HPGDS: variants seen among roughly 807,000 people sequenced by gnomAD.
HPGDS encodes GST class-sigma.
A neutral mutation model predicts 23.1 loss-of-function variants in HPGDS; 26 were observed. That is an observed-to-expected ratio of 1.13 (90% CI 0.83 to 1.56). The LOEUF (loss-of-function observed/expected upper bound fraction) is 1.56. Among genes scored for constraint, HPGDS ranks in the 40% most tolerant of loss-of-function variants. The pLI, the probability that HPGDS is intolerant of heterozygous loss-of-function variation, is 0.00. For synonymous variants in HPGDS, 95 were observed against 77.9 expected (o/e 1.22, Z -1.16); for missense variants, 268 against 236.4 (o/e 1.13, Z -0.88).
intron 3 of HPGDS, among the ~76,000 whole-genome samples, chr4:94,313,648 G>A (rs1157537257): frequency 6.6e-6 from 1 of 152,118 alleles, no homozygotes; most frequent in Non-Finnish European, 1.5e-5. Flanking sequence ...GTATCTTTGT[G>A]GCGTTCTCTG....
intron 2 of HPGDS, among the ~76,000 whole-genome samples, chr4:94,329,254 G>A (rs773705693): frequency 1.3e-5 from 2 of 152,074 alleles, no homozygotes; most frequent in Non-Finnish European, 1.5e-5. Context: ...ATAAATGAAG[G>A]GATGAAGTTA....
chr4:94,310,785 A>T (rs1756251623), intron 3 of HPGDS, among the ~76,000 whole-genome samples: 1 of 152,174 alleles, frequency 6.6e-6, no homozygotes, highest in South Asian at 2.1e-4. Context: ...ATGTTCTTCC[A>T]TTTGTTTGTA....
chr4:94,341,867 CAT>C lies in HPGDS; in HGVS notation c.-10+926_-10+927del, dbSNP rs1002077144. Among the ~76,000 whole-genome samples the C allele has an allele frequency of 1.3e-4, 20 of 152,178 alleles. 1 individual carries two copies. The highest frequency in any genetic ancestry group is 4.6e-4 in the African/African-American group (19 of 41,450). On this transcript the variant is annotated intron_variant, in intron 1 of 5. Transcript: ENST00000295256. The stretch of plus-strand genomic sequence containing the variant: ...GTAAAAATTGGATTCAGACAGCAAT[CAT>C]GTGAGATACTATTGTTCACAGGGGA...
chr4:94,315,048 T>C (rs1256921215), intron 3 of HPGDS, among the ~76,000 whole-genome samples: 1 of 152,170 alleles, frequency 6.6e-6, no homozygotes, highest in Non-Finnish European at 1.5e-5. Flanking sequence ...ACCCTTTTCC[T>C]TGGCTAGGAA....
chr4:94,322,375 G>T (rs1359561573), intron 2 of HPGDS, among the ~76,000 whole-genome samples: 2 of 152,188 alleles, frequency 1.3e-5, no homozygotes, highest in Admixed American at 6.5e-5. Flanking sequence ...GAATTCAGCT[G>T]TGAATCCACC....
intron 2 of HPGDS, among the ~76,000 whole-genome samples, chr4:94,327,947 A>G (rs745530021): frequency 6.6e-6 from 1 of 152,188 alleles, no homozygotes; most frequent in Non-Finnish European, 1.5e-5. Flanking sequence ...ACCATGATGC[A>G]GCTACTTGGG....
In HPGDS at chr4:94,299,270, G is replaced by A; in HGVS notation, c.*210C>T. ...TATTACATACTATTTTTCTGTAATT[G>A]TAAATGATGAGAAGCTATTCTGAAA... On this transcript the variant is annotated 3_prime_UTR_variant, in exon 6 of 6. Coordinates refer to ENST00000295256, the MANE Select transcript of HPGDS (RefSeq NM_014485.3). 2.1e-6 allele frequency: 1 copy of A among 483,624 alleles called. No individual in the cohort carries two copies. The highest frequency in any genetic ancestry group is 3.1e-5 in the East Asian group (1 of 31,886). 30.0% of individuals were successfully genotyped at this position (483,624 alleles called of 1,614,324 possible).
intron 3 of HPGDS, 74 bp downstream of exon 3, chr4:94,317,799 A>G: frequency 1.2e-6 from 1 of 862,720 alleles, no homozygotes; most frequent in Non-Finnish European, 1.9e-6. Context: ...TGCTAAAGTC[A>G]TTTAATGAAT....
chr4:94,333,893 G>A (rs1056582917), intron 2 of HPGDS, among the ~76,000 whole-genome samples: 12 of 152,178 alleles, frequency 7.9e-5, no homozygotes, highest in Non-Finnish European at 1.5e-4. Flanking sequence ...AATATCGGAA[G>A]AAACATTTGG....
chr4:94,318,745 G>A (rs926489380), intron 2 of HPGDS, among the ~76,000 whole-genome samples: 14 of 152,032 alleles, frequency 9.2e-5, no homozygotes, highest in African/African-American at 3.4e-4. Flanking sequence ...TGGAGTCTCG[G>A]TCTGTCACTG....
intron 3 of HPGDS, among the ~76,000 whole-genome samples, chr4:94,316,435 A>G (rs1375980905): frequency 1.3e-5 from 2 of 152,226 alleles, no homozygotes; most frequent in African/African-American, 2.4e-5. Context: ...GACCATTTCA[A>G]TGATCTCTTA....
intron 1 of HPGDS, among the ~76,000 whole-genome samples, chr4:94,339,825 T>C (rs546116751): frequency 6.6e-6 from 1 of 152,238 alleles, no homozygotes; most frequent in East Asian, 1.9e-4. Flanking sequence ...AATTGAATCA[T>C]GGGGGCGGTT....
intron 3 of HPGDS, among the ~76,000 whole-genome samples, chr4:94,316,093 G>A (rs541718039): frequency 6.6e-6 from 1 of 152,280 alleles, no homozygotes; most frequent in South Asian, 2.1e-4. Flanking sequence ...AGTAGTGGCT[G>A]TATATAGTAG....
intron 3 of HPGDS, among the ~76,000 whole-genome samples, chr4:94,309,577 C>A (rs1156635396): frequency 6.6e-6 from 1 of 152,042 alleles, no homozygotes. Flanking sequence ...GTGAATAGTG[C>A]TGCAATAAAC....
chr4:94,321,867 T>C (rs1240876536), intron 2 of HPGDS, among the ~76,000 whole-genome samples: 4 of 152,200 alleles, frequency 2.6e-5, no homozygotes, highest in Non-Finnish European at 4.4e-5. Flanking sequence ...TGCTTCCAGT[T>C]TTTGCCCATT....
chr4:94,340,259 A>T, intron 1 of HPGDS, among the ~76,000 whole-genome samples: 1 of 91,252 alleles, frequency 1.1e-5, no homozygotes, highest in African/African-American at 3.9e-5. Flanking sequence ...CCTGGTCTAA[A>T]CCTTTCTTTC....
chr4:94,340,875 T>C (rs1205250354), intron 1 of HPGDS, among the ~76,000 whole-genome samples: 18 of 132,248 alleles, frequency 1.4e-4, no homozygotes, highest in Admixed American at 1.0e-3. Context: ...GACGGAGTCT[T>C]GCTCTGTCGC....
chr4:94,330,230 T>A (rs1280847099), intron 2 of HPGDS, among the ~76,000 whole-genome samples: 1 of 152,178 alleles, frequency 6.6e-6, no homozygotes, highest in East Asian at 1.9e-4. Flanking sequence ...AAGAATGGCA[T>A]CTAAATCAAG....
intron 2 of HPGDS, among the ~76,000 whole-genome samples, chr4:94,326,864 A>G (rs1756640230): frequency 6.7e-6 from 1 of 150,076 alleles, no homozygotes; most frequent in Non-Finnish European, 1.5e-5. Context: ...TTGTAGGGAA[A>G]CCCTTTTTCC....
Sources: gnomAD v4.1 joint callset for allele counts (sites outside exome capture counted in the v4.1 genomes callset) on GRCh38, gnomAD v4.1.1 for gene constraint, MANE v1.5 for transcripts, NCBI Gene and HGNC (gene_info 2026-07-23, HGNC 2026-07-21) for gene names.